Variants in DHRSX observed in about 807,000 individuals in gnomAD.
DHRSX encodes polyprenol dehydrogenase.
In DHRSX, 31 loss-of-function variants were observed where a neutral mutation model predicts 34.0. That is an observed-to-expected ratio of 0.91 (90% CI 0.69 to 1.23). The LOEUF (loss-of-function observed/expected upper bound fraction) is 1.23. DHRSX is among the 50% of genes most tolerant of loss of function. The pLI, the probability that DHRSX is intolerant of heterozygous loss-of-function variation, is 0.00. For synonymous variants in DHRSX, 201 were observed against 183.8 expected (o/e 1.09, Z -0.76); for missense variants, 414 against 428.1 (o/e 0.97, Z 0.29).
At chrX:2,420,590 A>G (rs2043766870) in intron 2 of DHRSX, among the ~76,000 whole-genome samples, 6 of 150,902 alleles carry the variant, frequency 4.0e-5, no homozygotes, top group African/African-American at 1.5e-4. Context: ...TAAAAATACA[A>G]AAATTAGCTG....
chrX:2,462,435 T>C (rs998474474), intron 1 of DHRSX, among the ~76,000 whole-genome samples: 8 of 152,220 alleles, frequency 5.3e-5, no homozygotes, highest in Admixed American at 6.5e-5. Flanking sequence ...CTCAGGAGGC[T>C]GAGACAGGAG....
intron 3 of DHRSX, among the ~76,000 whole-genome samples, chrX:2,324,862 G>A (rs1165897987): frequency 2.7e-5 from 4 of 149,304 alleles, no homozygotes; most frequent in East Asian, 2.0e-4. Context: ...TCCGCCTCCC[G>A]GGTTCAAGCA....
At chrX:2,235,519 C>A (rs187150435) in intron 6 of DHRSX, among the ~76,000 whole-genome samples, 1 of 151,438 alleles carries the variant, frequency 6.6e-6, no homozygotes. Flanking sequence ...CCGAGGCCGG[C>A]GGATCACAAG....
In DHRSX at chrX:2,232,007, TTCA is replaced by T. The variant is rs376963755; in HGVS notation, c.805-10781_805-10779del. 4.4e-3 allele frequency among the ~76,000 whole-genome samples: 598 copies of T among 136,730 alleles called. 5 individuals carry two copies. The highest frequency in any genetic ancestry group is 0.016 in the African/African-American group (571 of 36,778). The allele number at this position is 136,730 out of a possible 152,430, so 89.7% of individuals were successfully genotyped here. A position where few individuals can be genotyped will look rare whatever the true frequency, so the allele number is the denominator to read the frequency against. ...TCTATTCCTCCCTTTTTCCTCCTCC[TTCA>T]TCTTCTCCTCCTTCTTCCTTCTCCT... is the stretch of plus-strand genomic sequence containing the variant. On this transcript the variant is annotated intron_variant, in intron 6 of 6. Coordinates refer to ENST00000334651, the MANE Select transcript of DHRSX (RefSeq NM_145177.3).
chrX:2,325,234 C>T (rs953584777), intron 3 of DHRSX, among the ~76,000 whole-genome samples: 6 of 151,928 alleles, frequency 3.9e-5, no homozygotes, highest in African/African-American at 1.4e-4. Context: ...TCCATCTTCC[C>T]GGGAGGAACT....
chrX:2,333,475 T>C (rs62583705), intron 3 of DHRSX, among the ~76,000 whole-genome samples: 152,245 of 152,248 alleles, frequency 1, 76,121 homozygotes, highest in Middle Eastern at 1. Context: ...AGTGCAATGG[T>C]GCGATCCCGG....
chrX:2,455,756 A>C (rs1036000656), intron 1 of DHRSX, among the ~76,000 whole-genome samples: 2 of 151,648 alleles, frequency 1.3e-5, no homozygotes, highest in African/African-American at 2.4e-5. Context: ...AAAAAAAAAA[A>C]AAAAACAATA....
At chrX:2,368,063 C>A (rs1220398029) in intron 3 of DHRSX, among the ~76,000 whole-genome samples, 48 of 151,706 alleles carry the variant, frequency 3.2e-4, no homozygotes, top group Admixed American at 3.1e-3. Flanking sequence ...GCCAACATGT[C>A]AAAACCCCAT....
chrX:2,500,128 T>A (rs963144512), intron 1 of DHRSX, among the ~76,000 whole-genome samples: 3 of 152,202 alleles, frequency 2.0e-5, no homozygotes, highest in East Asian at 3.9e-4. Context: ...GTTCAGACAG[T>A]GAACGAGTCC....
At chrX:2,444,922 C>T (rs949284186) in intron 1 of DHRSX, among the ~76,000 whole-genome samples, 49 of 152,048 alleles carry the variant, frequency 3.2e-4, no homozygotes, top group African/African-American at 1.0e-3. Flanking sequence ...TTTGGGAGGC[C>T]GAGGCGGGCA....
At chrX:2,472,460 A>G (rs66787560) in intron 1 of DHRSX, among the ~76,000 whole-genome samples, 31,911 of 151,976 alleles carry the variant, frequency 0.21, 4,550 homozygotes, top group African/African-American at 0.41. Context: ...ATGAACCTGC[A>G]CACGTGCCCC....
Position 2,293,229 on chromosome X carries a change from G to A in DHRSX, c.287-1626C>T, listed in dbSNP as rs1267042782. Among the ~76,000 whole-genome samples, 6 of 149,942 alleles carry A rather than the reference G, an allele frequency of 4.0e-5. 1 individual carries two copies. Among genetic ancestry groups the A allele is most frequent in the African/African-American group, 1.5e-4 (6 of 40,818 alleles). On this transcript the variant is annotated intron_variant, in intron 3 of 6. Transcript: ENST00000334651. ...CCAGTGGGTCTCCATCGCTAAAAGT[G>A]ATGTGTTTGATTGTGTTAAAGCTGT...
chrX:2,482,629 C>G (rs1412948018), intron 1 of DHRSX, among the ~76,000 whole-genome samples: 2 of 152,282 alleles, frequency 1.3e-5, no homozygotes, highest in Middle Eastern at 3.4e-3. Context: ...AGAATTTAAA[C>G]ATGTAAGAAG....
chrX:2,282,935 G>C (rs1418769170), intron 4 of DHRSX, among the ~76,000 whole-genome samples: 1 of 151,308 alleles, frequency 6.6e-6, no homozygotes, highest in African/African-American at 2.4e-5. Context: ...GCGGGGATGG[G>C]GTAGACTGAG....
chrX:2,259,395 G>GATATATATATAGATATATAGAT (rs2041332030), intron 5 of DHRSX, among the ~76,000 whole-genome samples: 6 of 124,080 alleles, frequency 4.8e-5, no homozygotes, highest in African/African-American at 2.0e-4. Context: ...TAGATATATA[G>GATATATATATAGATATATAGAT]ATATATATAT....
intron 3 of DHRSX, among the ~76,000 whole-genome samples, chrX:2,335,991 T>G (rs2042555398): frequency 6.6e-6 from 1 of 152,034 alleles, no homozygotes; most frequent in Non-Finnish European, 1.5e-5. Flanking sequence ...GTCTTTAATA[T>G]CATGCTTTTG....
intron 5 of DHRSX, among the ~76,000 whole-genome samples, chrX:2,263,517 T>C (rs923151656): frequency 5.3e-5 from 8 of 150,692 alleles, no homozygotes; most frequent in South Asian, 2.1e-4. Context: ...TCTTTCTTTT[T>C]TTTTTTTTTT....
At chrX:2,318,006 G>A (rs1393308263) in intron 3 of DHRSX, among the ~76,000 whole-genome samples, 2 of 152,062 alleles carry the variant, frequency 1.3e-5, no homozygotes, top group Non-Finnish European at 2.9e-5. Context: ...CATCTCCGCT[G>A]GGGAGGGATG....
intron 1 of DHRSX, among the ~76,000 whole-genome samples, chrX:2,446,694 A>G (rs1195713433): frequency 1.1e-4 from 17 of 150,658 alleles, no homozygotes; most frequent in Non-Finnish European, 2.2e-4. Context: ...GACCACCGCC[A>G]TGTACTCACT....
Sources: gnomAD v4.1 joint callset for allele counts (sites outside exome capture counted in the v4.1 genomes callset) on GRCh38, gnomAD v4.1.1 for gene constraint, MANE v1.5 for transcripts, NCBI Gene and HGNC (gene_info 2026-07-23, HGNC 2026-07-21) for gene names.